Variants in FXYD7 observed in about 807,000 individuals in gnomAD.
FXYD7 encodes FXYD domain-containing ion transport regulator 7.
A neutral mutation model predicts 15.3 loss-of-function variants in FXYD7; 7 were observed. The ratio of observed to expected loss-of-function variants is 0.46; its 90% CI spans 0.26 to 0.86. The LOEUF is 0.86. FXYD7 is among the 40% of genes least tolerant of loss of function. The pLI, the probability that FXYD7 is intolerant of heterozygous loss-of-function variation, is 0.16. For missense variants in FXYD7, 78 were observed against 100.6 expected, an observed-to-expected ratio of 0.78 and a Z score of 0.96; for synonymous variants, 39 against 39.3, an observed-to-expected ratio of 0.99 and a Z score of 0.03.
chr19:35,150,393 A>G (rs62111368), intron 2 of FXYD7, among the ~76,000 whole-genome samples: 21,714 of 152,056 alleles, frequency 0.14, 1,821 homozygotes, highest in African/African-American at 0.24. Flanking sequence ...GTGACACTAC[A>G]TCTCTTAAAA....
At chr19:35,153,033 C>CTTTGTTTTTTTTTTTTGTTTTTTTTTTT (rs1555737607) in intron 5 of FXYD7, among the ~76,000 whole-genome samples, 1 of 44,142 alleles carries the variant, frequency 2.3e-5, no homozygotes, top group Non-Finnish European at 3.9e-5. Flanking sequence ...TTTCACGTTC[C>CTTTGTTTTTTTTTTTTGTTTTTTTTTTT]TTTTTTTTTT....
chr19:35,147,682 T>C (rs1422400629), intron 1 of FXYD7, among the ~76,000 whole-genome samples: 1 of 152,042 alleles, frequency 6.6e-6, no homozygotes, highest in Non-Finnish European at 1.5e-5. Context: ...AATCTTAAAC[T>C]TGATGGTGCC....
At chr19:35,153,862 T>C (rs1470812838) in intron 5 of FXYD7, 32 bp from the exon 6 acceptor site, 2 of 1,611,370 alleles carry the variant, frequency 1.2e-6, no homozygotes, top group South Asian at 1.1e-5. Flanking sequence ...TTTCCACCTT[T>C]CTAGTGGCTC....
At chr19:35,151,529 C>G in intron 4 of FXYD7, 47 bp downstream of exon 4, 2 of 1,605,654 alleles carry the variant, frequency 1.2e-6, no homozygotes, top group Non-Finnish European at 1.7e-6. Context: ...CGGGGTGCCT[C>G]CCTAGCAGAT....
At position 35,151,422 on chromosome 19, in the gene FXYD7, G is replaced by GTCTC; in HGVS notation, c.137-11_137-8dup. On this transcript the variant is annotated splice_polypyrimidine_tract_variant and intron_variant, in intron 3 of 5. Transcript: ENST00000270310. ...CCGCTATGTCCTGTCTTCTTGTTCT[G>GTCTC]TCTCTCTCTCCCAACAGGCAAGAAG... 1 of 1,613,422 alleles carries GTCTC rather than the reference G, an allele frequency of 6.2e-7. No individual in the cohort carries two copies. The highest frequency in any genetic ancestry group is 2.2e-5 in the East Asian group (1 of 44,860).
In FXYD7 at chr19:35,153,967, G is replaced by C; in HGVS notation, c.*51G>C. ...CGACCCTGCCTGAGCGCGGGAGCCTGAGGACCGGGTGGAGGCGGTGGGGAC... is the reference window on the plus strand; with the variant it reads ...CGACCCTGCCTGAGCGCGGGAGCCTCAGGACCGGGTGGAGGCGGTGGGGAC... On this transcript the variant is annotated 3_prime_UTR_variant, in exon 6 of 6. Transcript: ENST00000270310. 6.3e-7 allele frequency: 1 copy of C among 1,590,854 alleles called. No individual in the cohort carries two copies. Among genetic ancestry groups the C allele is most frequent in the Non-Finnish European group, 8.6e-7 (1 of 1,163,352 alleles).
chr19:35,152,494 G>T (rs895094780), intron 5 of FXYD7, among the ~76,000 whole-genome samples: 3 of 151,906 alleles, frequency 2.0e-5, no homozygotes, highest in African/African-American at 4.8e-5. Context: ...AGGGAGGGAA[G>T]GTTTCTGAAT....
At position 35,149,953 on chromosome 19, in the gene FXYD7, G is replaced by A. The variant is rs372496343; in HGVS notation, c.61+1230G>A. On this transcript the variant is annotated intron_variant, in intron 2 of 5. Transcript: ENST00000270310. ...CTTTTTTTAGACAAAGTCTGACTCTGTGGCTCAGGCTGGAGTGCAGTAGCA... is the reference window on the plus strand; with the variant it reads ...CTTTTTTTAGACAAAGTCTGACTCTATGGCTCAGGCTGGAGTGCAGTAGCA... 7.9e-5 allele frequency among the ~76,000 whole-genome samples: 12 copies of A among 152,164 alleles called. 1 individual carries two copies. The highest frequency in any genetic ancestry group is 2.6e-4 in the African/African-American group (11 of 41,512).
At chr19:35,151,698 C>T in intron 5 of FXYD7, 25 bp downstream of exon 5, 1 of 1,519,768 alleles carries the variant, frequency 6.6e-7, no homozygotes, top group Non-Finnish European at 8.9e-7. Flanking sequence ...CTGTGTGGTT[C>T]TGGGAGAGTT....
chr19:35,147,624 T>G (rs2065293019), intron 1 of FXYD7, among the ~76,000 whole-genome samples: 1 of 152,062 alleles, frequency 6.6e-6, no homozygotes. Context: ...CCAAACATAT[T>G]TACACATACA....
intron 1 of FXYD7, 96 bp from the exon 2 acceptor site, chr19:35,148,598 T>C: frequency 2.9e-6 from 3 of 1,025,678 alleles, no homozygotes; most frequent in Non-Finnish European, 4.1e-6. Flanking sequence ...AAAGAAATGA[T>C]TAGGCCAGTG....
intron 4 of FXYD7, 71 bp downstream of exon 4, chr19:35,151,553 TG>T: frequency 6.4e-7 from 1 of 1,572,586 alleles, no homozygotes; most frequent in South Asian, 1.1e-5. Context: ...CAGGATCCAC[TG>T]GGCCTGCCAT....
At chr19:35,152,106 T>C (rs2065312820) in intron 5 of FXYD7, among the ~76,000 whole-genome samples, 1 of 120,100 alleles carries the variant, frequency 8.3e-6, no homozygotes, top group Non-Finnish European at 1.6e-5. Flanking sequence ...GCCACTCCAC[T>C]CCAGCCTGGG....
At chr19:35,150,225 G>T (rs945856836) in intron 2 of FXYD7, among the ~76,000 whole-genome samples, 1 of 152,100 alleles carries the variant, frequency 6.6e-6, no homozygotes, top group Non-Finnish European at 1.5e-5. Context: ...ACTGTGCCCA[G>T]CTCTACATAA....
intron 4 of FXYD7, 43 bp from the exon 5 acceptor site, chr19:35,151,590 T>C (rs1428283646): frequency 4.4e-6 from 7 of 1,603,240 alleles, no homozygotes; most frequent in East Asian, 4.5e-5. Context: ...CCTATGGTTA[T>C]TGAACCTCTT....
intron 1 of FXYD7, among the ~76,000 whole-genome samples, chr19:35,146,319 A>T (rs961190271): frequency 6.6e-6 from 1 of 152,124 alleles, no homozygotes; most frequent in African/African-American, 2.4e-5. Flanking sequence ...TTGTATTGTT[A>T]GTACAGATGG....
intron 2 of FXYD7, among the ~76,000 whole-genome samples, chr19:35,151,006 C>T (rs2065307659): frequency 6.6e-6 from 1 of 151,846 alleles, no homozygotes; most frequent in Admixed American, 6.6e-5. Context: ...ATATATATAT[C>T]CAGGGTGGAA....
intron 2 of FXYD7, chr19:35,148,969 G>C: frequency 1.5e-6 from 1 of 650,884 alleles, no homozygotes; most frequent in Non-Finnish European, 2.9e-6. Context: ...CTGGTGCCTT[G>C]GTGTCGCCAG....
chr19:35,147,031 A>G (rs1405492227), intron 1 of FXYD7, among the ~76,000 whole-genome samples: 1 of 152,258 alleles, frequency 6.6e-6, no homozygotes, highest in Non-Finnish European at 1.5e-5. Context: ...TCAGGGGCTT[A>G]TGACAACCAG....
Sources: allele counts gnomAD v4.1 joint callset (sites outside exome capture counted in the v4.1 genomes callset), GRCh38; gene constraint gnomAD v4.1.1; transcripts MANE v1.5; gene names NCBI Gene and HGNC (gene_info 2026-07-23, HGNC 2026-07-21).